Variants in SYNPR observed in about 807,000 individuals in gnomAD.
SYNPR encodes synaptoporin.
SYNPR carries 23 observed loss-of-function variants against 32.9 expected under a neutral mutation model. The observed-to-expected ratio is 0.70, with a 90% CI of 0.50 to 0.99. The LOEUF (loss-of-function observed/expected upper bound fraction) is 0.99, where lower values mean the gene tolerates loss of function less well. Ranked by LOEUF, SYNPR falls within the 50% of genes least tolerant of loss-of-function variation. SYNPR has a pLI of 0.00. For synonymous variants in SYNPR, 146 were observed against 135.9 expected, an observed-to-expected ratio of 1.07 and a Z score of -0.52; for missense variants, 318 against 349.3, an observed-to-expected ratio of 0.91 and a Z score of 0.71.
At chr3:63,465,934 G>T (rs1468631972) in intron 2 of SYNPR, among the ~76,000 whole-genome samples, 1 of 151,994 alleles carries the variant, frequency 6.6e-6, no homozygotes, top group Non-Finnish European at 1.5e-5. Context: ...AAGCTCGGGG[G>T]TATGTGTGCA....
At chr3:63,344,812 G>A (rs764638725) in intron 2 of SYNPR, among the ~76,000 whole-genome samples, 1 of 152,062 alleles carries the variant, frequency 6.6e-6, no homozygotes, top group Non-Finnish European at 1.5e-5. Context: ...GCTTTTCAAG[G>A]ATGGGCAGGG....
At chr3:63,472,252 C>T (rs890730319) in intron 2 of SYNPR, among the ~76,000 whole-genome samples, 6 of 152,024 alleles carry the variant, frequency 3.9e-5, no homozygotes, top group East Asian at 3.9e-4. Context: ...CACTCCTGGG[C>T]GAGTTGGGAA....
chr3:63,461,600 A>G (rs1575656761), intron 2 of SYNPR, among the ~76,000 whole-genome samples: 1 of 151,948 alleles, frequency 6.6e-6, no homozygotes, highest in African/African-American at 2.4e-5. Flanking sequence ...ATCCAAAGAA[A>G]TCTAGGTCCC....
chr3:63,371,018 A>T (rs1306461736), intron 2 of SYNPR, among the ~76,000 whole-genome samples: 1 of 152,104 alleles, frequency 6.6e-6, no homozygotes, highest in Non-Finnish European at 1.5e-5. Context: ...TAGACCTTTA[A>T]CTGGAACATT....
intron 4 of SYNPR, among the ~76,000 whole-genome samples, chr3:63,583,391 A>C (rs1488394804): frequency 6.6e-6 from 1 of 152,076 alleles, no homozygotes; most frequent in Non-Finnish European, 1.5e-5. Flanking sequence ...CTGTCTTTTT[A>C]TTTATAAAAT....
At chr3:63,314,065 A>C (rs201143376) in intron 2 of SYNPR, among the ~76,000 whole-genome samples, 1 of 49,976 alleles carries the variant, frequency 2.0e-5, no homozygotes, top group African/African-American at 6.3e-5. Context: ...ATATATATAT[A>C]TCCATATATA....
intron 4 of SYNPR, among the ~76,000 whole-genome samples, chr3:63,583,698 A>G (rs1272759903): frequency 1.3e-5 from 2 of 152,114 alleles, no homozygotes; most frequent in African/African-American, 4.8e-5. Flanking sequence ...TTTTAGGCCA[A>G]GGAAGGAATA....
intron 1 of SYNPR, among the ~76,000 whole-genome samples, chr3:63,248,051 C>T (rs1309476125): frequency 6.6e-6 from 1 of 152,046 alleles, no homozygotes; most frequent in Non-Finnish European, 1.5e-5. Context: ...TACCTAACTG[C>T]CCAGGGGAAA....
At chr3:63,476,115 A>C (rs1462219897) in intron 2 of SYNPR, among the ~76,000 whole-genome samples, 5 of 24,484 alleles carry the variant, frequency 2.0e-4, no homozygotes, top group African/African-American at 1.7e-3. Context: ...AGGGGGGAGG[A>C]AGGAAGGAAG....
chr3:63,485,138 C>A (rs1173872232), intron 3 of SYNPR, among the ~76,000 whole-genome samples: 1 of 151,946 alleles, frequency 6.6e-6, no homozygotes, highest in African/African-American at 2.4e-5. Context: ...TAAGAGTCAT[C>A]ATCATGAAGT....
chr3:63,327,340 A>G (rs1161805549), intron 2 of SYNPR, among the ~76,000 whole-genome samples: 1 of 152,148 alleles, frequency 6.6e-6, no homozygotes, highest in Non-Finnish European at 1.5e-5. Context: ...TAAAGTGGGT[A>G]TATGTATATG....
chr3:63,506,925 T>C (rs1032419682), intron 3 of SYNPR, among the ~76,000 whole-genome samples: 7 of 152,048 alleles, frequency 4.6e-5, no homozygotes, highest in African/African-American at 1.7e-4. Context: ...ACACCAATAG[T>C]GCCATGCAAG....
chr3:63,552,942 T>C (rs1391448428), intron 3 of SYNPR, among the ~76,000 whole-genome samples: 1 of 152,214 alleles, frequency 6.6e-6, no homozygotes, highest in Non-Finnish European at 1.5e-5. Flanking sequence ...AATTGGAAGA[T>C]GATGTGCACA....
intron 2 of SYNPR, among the ~76,000 whole-genome samples, chr3:63,422,398 C>T (rs1054004241): frequency 2.6e-5 from 4 of 151,948 alleles, no homozygotes; most frequent in Admixed American, 6.6e-5. Flanking sequence ...AGATGATCAA[C>T]GTCTACAGCG....
chr3:63,575,194 C>T (rs1052145394), intron 4 of SYNPR, among the ~76,000 whole-genome samples: 13 of 152,090 alleles, frequency 8.5e-5, no homozygotes, highest in African/African-American at 3.1e-4. Context: ...GTTGACATTG[C>T]GTGTTACACA....
At position 63,413,398 on chromosome 3, in the gene SYNPR, T is replaced by C. The variant is rs150091627; in HGVS notation, c.85-67434T>C. 4.8e-3 allele frequency among the ~76,000 whole-genome samples: 732 copies of C among 152,276 alleles called. 9 individuals are homozygous for C. The highest frequency in any genetic ancestry group is 0.016 in the African/African-American group (655 of 41,538). ...AACGTAAAAGTTAAGATTCGTTTGG[T>C]CTTAAGTTAAATAATGAGTAAATAA... On this transcript the variant is annotated intron_variant, in intron 2 of 5. Coordinates refer to ENST00000478300, the MANE Select transcript of SYNPR (RefSeq NM_001130003.2).
the SYNPR span, among the ~76,000 whole-genome samples, chr3:63,222,625 T>A: frequency 1.4e-3 from 209 of 152,216 alleles, no homozygotes; most frequent in Non-Finnish European, 2.2e-3. Flanking sequence ...TAAATGATTC[T>A]CCTGCCTCAG....
At chr3:63,312,779 A>G (rs1270743544) in intron 2 of SYNPR, among the ~76,000 whole-genome samples, 1 of 151,976 alleles carries the variant, frequency 6.6e-6, no homozygotes, top group African/African-American at 2.4e-5. Flanking sequence ...GCTCCATACC[A>G]GGGCCACTGG....
intron 4 of SYNPR, among the ~76,000 whole-genome samples, chr3:63,597,750 C>A (rs1437299010): frequency 6.6e-6 from 1 of 152,190 alleles, no homozygotes; most frequent in Non-Finnish European, 1.5e-5. Flanking sequence ...TTGTGAAGGT[C>A]ATACGATCTT....
Sources: allele counts gnomAD v4.1 joint callset (sites outside exome capture counted in the v4.1 genomes callset), GRCh38; gene constraint gnomAD v4.1.1; transcripts MANE v1.5; gene names NCBI Gene and HGNC (gene_info 2026-07-23, HGNC 2026-07-21).